Variants in ZNF462 observed in about 807,000 individuals in gnomAD.
ZNF462 encodes the protein zinc finger protein 462, also known as zinc finger PBX1-interacting protein.
A neutral mutation model predicts 201.9 loss-of-function variants in ZNF462; 10 were observed. The observed-to-expected ratio is 0.05, with a 90% CI of 0.03 to 0.08. ZNF462 has a LOEUF of 0.08. Ranked by LOEUF, ZNF462 falls within the 10% of genes least tolerant of loss-of-function variation. ZNF462 has a pLI of 1.00. For synonymous variants in ZNF462, 1,227 were observed against 1,193.3 expected (o/e 1.03, Z -0.58); for missense variants, 2,523 against 3,168.3 (o/e 0.80, Z 4.89).
upstream of ZNF462, among the ~76,000 whole-genome samples, chr9:106,862,403 C>T (rs1260624708): frequency 2.0e-5 from 3 of 152,140 alleles, no homozygotes; most frequent in African/African-American, 7.2e-5. The surrounding 1 kb of genome is among the most constrained non-coding windows in gnomAD (Gnocchi z 4.2). Flanking sequence ...CCGGGGGCTT[C>T]CTCTGCGGGC....
chr9:106,860,299 C>T (rs1349669522), upstream of ZNF462, among the ~76,000 whole-genome samples: 1 of 152,204 alleles, frequency 6.6e-6, no homozygotes, highest in Non-Finnish European at 1.5e-5. The surrounding 1 kb of genome is among the most constrained non-coding windows in gnomAD (Gnocchi z 7.1). Context: ...AGCCGCTTCC[C>T]CGGTCTTTGC....
chr9:106,939,252 T>C (rs1453391766), intron 7 of ZNF462, 145 bp downstream of exon 7: 3 of 914,884 alleles, frequency 3.3e-6, no homozygotes, highest in Non-Finnish European at 4.8e-6. Flanking sequence ...GTTGAAATGG[T>C]GTGGAAGTTG....
chr9:106,935,099 C>G lies in ZNF462; in HGVS notation c.6117-404C>G, dbSNP rs760863712. On this transcript the variant is annotated intron_variant, in intron 5 of 12. Coordinates refer to ENST00000277225, the MANE Select transcript of ZNF462 (RefSeq NM_021224.6). The surrounding 1 kb of genome is among the most constrained non-coding windows in gnomAD (Gnocchi z 4.1). ...TTCAAATGCTAAATTTCTCTAATTCCCATTCTGTTATTTGAATAAGTTAGA... is the reference window on the plus strand; with the variant it reads ...TTCAAATGCTAAATTTCTCTAATTCGCATTCTGTTATTTGAATAAGTTAGA... Among the ~76,000 whole-genome samples the G allele has an allele frequency of 6.6e-6, 1 of 152,118 alleles. No homozygotes were observed. Among genetic ancestry groups the G allele is most frequent in the Non-Finnish European group, 1.5e-5 (1 of 68,024 alleles).
chr9:106,920,815 C>G lies in ZNF462; in HGVS notation c.-30-2539C>G, dbSNP rs533783368. Among the ~76,000 whole-genome samples, 1 of 152,254 alleles carries G rather than the reference C, an allele frequency of 6.6e-6. No individual in the cohort carries two copies. Among genetic ancestry groups the G allele is most frequent in the Admixed American group, 6.5e-5 (1 of 15,302 alleles). On this transcript the variant is annotated intron_variant, in intron 1 of 12. Coordinates refer to ENST00000277225, the MANE Select transcript of ZNF462 (RefSeq NM_021224.6). This position sits in a 1 kb window ranked among gnomAD's most constrained non-coding sequence, Gnocchi z 4.3. ...ATGACTTAATGCCGAAGGTGCCCTG[C>G]TTTCCTTCTGCAGAACCGTAACTTC...
rs1827667181 is a variant in ZNF462, at chr9:106,984,384, A to G, written c.7031A>G (p.Asp2344Gly). ...GAGACCAAGCACACGGAGGAACTGG[A>G]CAGCCACCTTCGGGATGAGCATAAG... ...YYETKHTEEL[D>G]SHLRDEHKVS... Residue 2344 changes from aspartate (D) to glycine (G), a missense_variant, in exon 10 of 13, where the codon GAC becomes GGC. Around this residue, in one of 15 missense-constraint regions of ZNF462, gnomAD observed 228 missense variants for 361.2 expected, o/e 0.63. Coordinates refer to ENST00000277225, the MANE Select transcript of ZNF462 (RefSeq NM_021224.6). The surrounding 1 kb of genome is among the most constrained non-coding windows in gnomAD (Gnocchi z 6.4). The G allele has an allele frequency of 1.2e-6, 2 of 1,613,796 alleles. No homozygotes were observed. Among genetic ancestry groups the G allele is most frequent in the South Asian group, 2.2e-5 (2 of 91,076 alleles).
At chr9:106,982,791 CAG>C (rs2132240625) in intron 9 of ZNF462, among the ~76,000 whole-genome samples, 1 of 152,204 alleles carries the variant, frequency 6.6e-6, no homozygotes, top group East Asian at 1.9e-4. Flanking sequence ...GCCCTACAAT[CAG>C]AGTGTTGTGG....
chr9:106,979,704 A>G (rs1338143868), intron 9 of ZNF462: 1 of 147,350 alleles, frequency 6.8e-6, no homozygotes, highest in Non-Finnish European at 1.5e-5. Context: ...TTATGAGGGT[A>G]TTCCTATTGA....
intron 7 of ZNF462, among the ~76,000 whole-genome samples, chr9:106,958,554 C>T (rs1044156138): frequency 2.0e-5 from 3 of 152,134 alleles, no homozygotes; most frequent in Non-Finnish European, 4.4e-5. Flanking sequence ...GAAGAAAGCA[C>T]CTCTCAGCAC....
chr9:106,964,670 A>G (rs762223644), intron 7 of ZNF462, among the ~76,000 whole-genome samples: 7 of 152,106 alleles, frequency 4.6e-5, no homozygotes, highest in African/African-American at 9.7e-5. Context: ...GTAACTTAAC[A>G]GTAATTTTTT....
Position 106,974,863 on chromosome 9 carries a change from C to T in ZNF462, c.6832+590C>T, listed in dbSNP as rs1826878409. 6.5e-6 allele frequency: 1 copy of T among 154,090 alleles called. No individual in the cohort carries two copies. The highest frequency in any genetic ancestry group is 1.4e-5 in the Non-Finnish European group (1 of 69,196). 9.5% of individuals were successfully genotyped at this position (154,090 alleles called of 1,614,324 possible). On this transcript the variant is annotated intron_variant, in intron 9 of 12. Transcript: ENST00000277225. This position sits in a 1 kb window ranked among gnomAD's most constrained non-coding sequence, Gnocchi z 4.0. ...TAGAGCCCACTGTGTTTAACCTCTCCATCCATTAAAAGAGATGATTGTACC... is the reference window on the plus strand; with the variant it reads ...TAGAGCCCACTGTGTTTAACCTCTCTATCCATTAAAAGAGATGATTGTACC...
chr9:106,943,371 T>G (rs1236601274), intron 7 of ZNF462, among the ~76,000 whole-genome samples: 4 of 152,194 alleles, frequency 2.6e-5, no homozygotes, highest in African/African-American at 9.6e-5. Context: ...ATGTACTTAT[T>G]GTCTGTCATA....
chr9:106,955,777 A>G (rs1345389398), intron 7 of ZNF462, among the ~76,000 whole-genome samples: 1 of 152,194 alleles, frequency 6.6e-6, no homozygotes, highest in Admixed American at 6.6e-5. Flanking sequence ...CTTCATCAAA[A>G]GTAGTCTTCA....
chr9:106,942,096 C>A (rs556882830), intron 7 of ZNF462, among the ~76,000 whole-genome samples: 3 of 152,174 alleles, frequency 2.0e-5, no homozygotes, highest in Non-Finnish European at 4.4e-5. Flanking sequence ...TGGGGGGAGT[C>A]AAGATCCATA....
At chr9:106,889,217 A>T (rs1386229237) in intron 1 of ZNF462, among the ~76,000 whole-genome samples, 2 of 152,106 alleles carry the variant, frequency 1.3e-5, no homozygotes, top group Non-Finnish European at 2.9e-5. Context: ...TCCACTCCCT[A>T]TGTACACACC....
Position 107,006,885 on chromosome 9 carries a change from T to C in ZNF462, c.7190-2660T>C, listed in dbSNP as rs1829585193. Among the ~76,000 whole-genome samples the C allele has an allele frequency of 6.6e-6, 1 of 152,196 alleles. No individual in the cohort carries two copies. The highest frequency in any genetic ancestry group is 2.4e-5 in the African/African-American group (1 of 41,458). ...TGATTGTTCTTATAAAGTTATTATT[T>C]TTATTAGTAGAGGCTGTATTAATCC... is the stretch of plus-strand genomic sequence containing the variant. On this transcript the variant is annotated intron_variant, in intron 11 of 12. Transcript: ENST00000277225. This position sits in a 1 kb window ranked among gnomAD's most constrained non-coding sequence, Gnocchi z 4.3.
chr9:106,936,315 C>T (rs958474544), intron 6 of ZNF462, among the ~76,000 whole-genome samples: 9 of 152,210 alleles, frequency 5.9e-5, no homozygotes, highest in Admixed American at 5.2e-4. Flanking sequence ...GTCCTATAAT[C>T]GTCCTAAAGG....
Position 106,963,049 on chromosome 9 carries a change from G to A in ZNF462, c.6428-8956G>A, listed in dbSNP as rs1019769587. Reference sequence around the variant, plus strand: ...GGTTTGTATTCTAAAGCTTAGTTTCGAATATAATTTTCTTTTGGAATAGCC... The same window carrying A: ...GGTTTGTATTCTAAAGCTTAGTTTCAAATATAATTTTCTTTTGGAATAGCC... On this transcript the variant is annotated intron_variant, in intron 7 of 12. Coordinates refer to ENST00000277225, the MANE Select transcript of ZNF462 (RefSeq NM_021224.6). This position sits in a 1 kb window ranked among gnomAD's most constrained non-coding sequence, Gnocchi z 4.7. Among the ~76,000 whole-genome samples the A allele has an allele frequency of 5.9e-5, 9 of 151,984 alleles. No homozygotes were observed. The highest frequency in any genetic ancestry group is 2.1e-4 in the South Asian group (1 of 4,824).
At chr9:106,882,906 A>C (rs2130954526) in intron 1 of ZNF462, among the ~76,000 whole-genome samples, 1 of 152,300 alleles carries the variant, frequency 6.6e-6, no homozygotes, top group East Asian at 1.9e-4. Context: ...TTATGGAAAA[A>C]AATGATGAGT....
chr9:106,892,676 T>TCACA (rs370233412), intron 1 of ZNF462, among the ~76,000 whole-genome samples: 2 of 147,266 alleles, frequency 1.4e-5, no homozygotes, highest in African/African-American at 2.6e-5. Context: ...AGGCATATAC[T>TCACA]CACACACACA....
Sources: gnomAD v4.1 joint callset for allele counts (sites outside exome capture counted in the v4.1 genomes callset) on GRCh38, gnomAD v4.1.1 for gene constraint, gnomAD v4.1.1 regional missense constraint, Gnocchi (gnomAD v3.1) non-coding constraint, MANE v1.5 for transcripts, NCBI Gene and HGNC (gene_info 2026-07-23, HGNC 2026-07-21) for gene names.